KLHL21: variants seen among roughly 807,000 people sequenced by gnomAD.
KLHL21 encodes kelch-like protein 21.
KLHL21 carries 42 observed loss-of-function variants against 44.1 expected under a neutral mutation model. The observed-to-expected ratio is 0.95, with a 90% CI of 0.74 to 1.23. KLHL21 has a LOEUF of 1.23. Ranked by LOEUF, KLHL21 falls within the 50% of genes most tolerant of loss-of-function variation. The pLI is 0.00. For synonymous variants in KLHL21, 524 were observed against 411.6 expected (o/e 1.27, Z -3.31); for missense variants, 918 against 889.1 (o/e 1.03, Z -0.41).
In KLHL21 at chr1:6,592,440, TCAAA is replaced by T. The variant is rs1353861836; in HGVS notation, c.*921_*924del. On this transcript the variant is annotated 3_prime_UTR_variant, in exon 4 of 4. Coordinates refer to ENST00000377658, the MANE Select transcript of KLHL21 (RefSeq NM_014851.4). The stretch of plus-strand genomic sequence containing the variant: ...AATGGGACTTCTTAGACTGGACAAA[TCAAA>T]CAAAGCTGACCCTGTAGAGCTCCTT... 2 of 152,186 alleles carry T rather than the reference TCAAA, an allele frequency of 1.3e-5. No homozygotes were observed. The highest frequency in any genetic ancestry group is 2.9e-5 in the Non-Finnish European group (2 of 68,026). The allele number at this position is 152,186 out of a possible 1,614,324, so 9.4% of individuals were successfully genotyped here.
chr1:6,590,973 T>TA lies in KLHL21; in HGVS notation c.*2391dup, dbSNP rs1259134019. ...TACCAGTCACTGTGTTTATATAACTTAATTTGTGCTGTAGACAAAGTTCTG... is the reference window on the plus strand; with the variant it reads ...TACCAGTCACTGTGTTTATATAACTTAAATTTGTGCTGTAGACAAAGTTCTG... On this transcript the variant is annotated 3_prime_UTR_variant, in exon 4 of 4. Coordinates refer to ENST00000377658, the MANE Select transcript of KLHL21 (RefSeq NM_014851.4). The TA allele has an allele frequency of 1.3e-5, 5 of 398,570 alleles. No homozygotes were observed. Among genetic ancestry groups the TA allele is most frequent in the Non-Finnish European group, 1.8e-5 (4 of 226,088 alleles). 24.7% of individuals were successfully genotyped at this position (398,570 alleles called of 1,614,324 possible). A position where few individuals can be genotyped will look rare whatever the true frequency, so the allele number is the denominator to read the frequency against.
In KLHL21 at chr1:6,590,894, C is replaced by A; in HGVS notation, c.*2471G>T. 1 of 398,562 alleles carries A rather than the reference C, an allele frequency of 2.5e-6. No individual in the cohort carries two copies. The highest frequency in any genetic ancestry group is 4.4e-6 in the Non-Finnish European group (1 of 226,044). 24.7% of individuals were successfully genotyped at this position (398,562 alleles called of 1,614,324 possible). ...GAGGGAGGGCGTCCTTTATTACATA[C>A]GCGTCTCTGAAGTCATATAAATATA... On this transcript the variant is annotated 3_prime_UTR_variant, in exon 4 of 4. Coordinates refer to ENST00000377658, the MANE Select transcript of KLHL21 (RefSeq NM_014851.4).
intron 2 of KLHL21, among the ~76,000 whole-genome samples, chr1:6,597,466 G>A (rs563158927): frequency 2.0e-5 from 3 of 152,338 alleles, no homozygotes; most frequent in African/African-American, 7.2e-5. Context: ...TTGGGGGAGG[G>A]AGAGCCGGGC....
At chr1:6,599,733 C>T in intron 1 of KLHL21, 1 of 474,306 alleles carries the variant, frequency 2.1e-6, no homozygotes, top group South Asian at 2.6e-5. Flanking sequence ...TGGACACCGC[C>T]CCCCAGCCAT....
At chr1:6,598,935 T>C in intron 2 of KLHL21, 112 bp downstream of exon 2, 1 of 1,119,838 alleles carries the variant, frequency 8.9e-7, no homozygotes, top group Admixed American at 3.0e-5. Context: ...CAACCCCAGC[T>C]AGGCCTCAGT....
intron 3 of KLHL21, 82 bp from the exon 4 acceptor site, chr1:6,593,740 G>A: frequency 1.4e-6 from 2 of 1,470,630 alleles, no homozygotes; most frequent in Non-Finnish European, 1.8e-6. Context: ...TGGAGACAAG[G>A]CATGCCCTGT....
At position 6,602,077 on chromosome 1, in the gene KLHL21, G is replaced by A. The variant is rs1370830314; in HGVS notation, c.741C>T (p.Cys247=). The change falls in exon 1 of 4, where the codon TGC becomes TGT. Residue 247 remains cysteine, a synonymous_variant. Transcript: ENST00000377658. ...CGCGCAGCAGGCGCAGGCAGGGTGG[G>A]CAGCGCGCCACCAGCGGCTCGGCCT... ...HVEAEPLVAR[C]PPCLRLLREA... The A allele has an allele frequency of 2.1e-5, 32 of 1,493,996 alleles. No homozygotes were observed. The highest frequency in any genetic ancestry group is 2.7e-5 in the Non-Finnish European group (30 of 1,125,540). The allele number at this position is 1,493,996 out of a possible 1,614,324, so 92.5% of individuals were successfully genotyped here. A position where few individuals can be genotyped will look rare whatever the true frequency, so the allele number is the denominator to read the frequency against.
intron 3 of KLHL21, 165 bp from the exon 4 acceptor site, chr1:6,593,823 C>G: frequency 7.3e-7 from 1 of 1,369,434 alleles, no homozygotes; most frequent in East Asian, 2.6e-5. Context: ...AACACCCTGC[C>G]TAGGAGAACG....
At chr1:6,601,691 G>A in intron 1 of KLHL21, 106 bp downstream of exon 1, 5 of 1,437,024 alleles carry the variant, frequency 3.5e-6, no homozygotes, top group Non-Finnish European at 4.6e-6. Context: ...GGACTCAGGT[G>A]CGCCCCTAGG....
chr1:6,600,834 G>A (rs1340032033), intron 1 of KLHL21, among the ~76,000 whole-genome samples: 1 of 152,206 alleles, frequency 6.6e-6, no homozygotes, highest in Admixed American at 6.5e-5. Context: ...ACAGATTCTG[G>A]CAGAACCCAG....
intron 1 of KLHL21, among the ~76,000 whole-genome samples, chr1:6,601,205 T>C (rs1641011543): frequency 6.6e-6 from 1 of 152,216 alleles, no homozygotes; most frequent in Non-Finnish European, 1.5e-5. Flanking sequence ...CGGCAGTGTT[T>C]TGGGGTTTGG....
chr1:6,593,881 C>A (rs186226481), intron 3 of KLHL21: 1 of 1,311,556 alleles, frequency 7.6e-7, no homozygotes, highest in Non-Finnish European at 9.7e-7. Flanking sequence ...TGAGGGTGCC[C>A]GCTGCAGCGC....
At chr1:6,593,864 A>G in intron 3 of KLHL21, 1 of 1,344,344 alleles carries the variant, frequency 7.4e-7, no homozygotes, top group Non-Finnish European at 9.5e-7. Flanking sequence ...GGCCTTCCCT[A>G]TGGTGATGAG....
In KLHL21 at chr1:6,593,084, G is replaced by T; in HGVS notation, c.*281C>A. 2.1e-6 allele frequency: 1 copy of T among 465,804 alleles called. No individual in the cohort carries two copies. The highest frequency in any genetic ancestry group is 3.9e-6 in the Non-Finnish European group (1 of 257,824). 28.9% of individuals were successfully genotyped at this position (465,804 alleles called of 1,614,324 possible). ...GGAGGGGTGTGCGCCGCGTGGGTGA[G>T]CTGTGATCCGCGGGGTGGGGGTGAC... On this transcript the variant is annotated 3_prime_UTR_variant, in exon 4 of 4. Coordinates refer to ENST00000377658, the MANE Select transcript of KLHL21 (RefSeq NM_014851.4).
At position 6,593,307 on chromosome 1, in the gene KLHL21, A is replaced by T; in HGVS notation, c.*58T>A. On this transcript the variant is annotated 3_prime_UTR_variant, in exon 4 of 4. Transcript: ENST00000377658. ...GTCCTTGTGCACAAAGGAGTGGGGC[A>T]CTGCCCCGCAGAGGTGCCAGTTACC... is the stretch of plus-strand genomic sequence containing the variant. 1 of 1,487,934 alleles carries T rather than the reference A, an allele frequency of 6.7e-7. No homozygotes were observed. Among genetic ancestry groups the T allele is most frequent in the South Asian group, 1.3e-5 (1 of 79,630 alleles). 92.2% of individuals were successfully genotyped at this position (1,487,934 alleles called of 1,614,324 possible).
intron 1 of KLHL21, among the ~76,000 whole-genome samples, chr1:6,600,406 C>T (rs1277961651): frequency 6.6e-6 from 1 of 152,212 alleles, no homozygotes; most frequent in Non-Finnish European, 1.5e-5. Context: ...TCGTAAATTA[C>T]ACCAGGTCTA....
chr1:6,598,136 G>A (rs1640953802), intron 2 of KLHL21, among the ~76,000 whole-genome samples: 1 of 152,206 alleles, frequency 6.6e-6, no homozygotes, highest in Non-Finnish European at 1.5e-5. Flanking sequence ...TGTGGGCTCC[G>A]AAAGACCAGG....
intron 1 of KLHL21, chr1:6,599,949 T>G (rs1246224198): frequency 6.4e-6 from 1 of 155,552 alleles, no homozygotes; most frequent in Non-Finnish European, 1.4e-5. Context: ...GCGAGGCCAC[T>G]TCTCGATTCT....
Position 6,602,379 on chromosome 1 carries a change from C to T in KLHL21, c.439G>A (p.Ala147Thr). The change falls in exon 1 of 4, where the codon GCC becomes ACC. Residue 147 changes from alanine (A) to threonine (T), a missense_variant. Ala to Thr is a moderately conservative substitution (Grantham distance 58, BLOSUM62 0). Transcript: ENST00000377658. ...NCLDMQDFAE[A>T]FSCSGLASAA... The stretch of plus-strand genomic sequence containing the variant: ...CTCGCCAGTCCCGAGCAGCTGAAGG[C>T]CTCAGCGAAGTCCTGCATGTCCAGG... The T allele has an allele frequency of 6.3e-7, 1 of 1,589,674 alleles. No homozygotes were observed.
Sources: allele counts gnomAD v4.1 joint callset (sites outside exome capture counted in the v4.1 genomes callset), GRCh38; gene constraint gnomAD v4.1.1; transcripts MANE v1.5; gene names NCBI Gene and HGNC (gene_info 2026-07-23, HGNC 2026-07-21).